The following NRG3 variants were observed in gnomAD, a reference collection of about 807,000 sequenced individuals.
NRG3 encodes neuregulin 3, also known as pro-neuregulin-3, membrane-bound isoform.
In NRG3, 31 loss-of-function variants were observed where a neutral mutation model predicts 66.9. That is an observed-to-expected ratio of 0.46 (90% CI 0.35 to 0.63). The LOEUF (loss-of-function observed/expected upper bound fraction) is 0.63. NRG3 is among the 20% of genes least tolerant of loss of function. The pLI is 0.00. For synonymous variants in NRG3, 393 were observed against 359.4 expected (o/e 1.09, Z -1.06); for missense variants, 910 against 878.9 (o/e 1.04, Z -0.45).
At chr10:82,460,649 G>C (rs1028332871) in intron 2 of NRG3, among the ~76,000 whole-genome samples, 2 of 152,158 alleles carry the variant, frequency 1.3e-5, no homozygotes, top group African/African-American at 4.8e-5. Flanking sequence ...ACGTGCAGCA[G>C]GGTTATGGCA....
chr10:82,436,734 G>A (rs553498557), intron 2 of NRG3, among the ~76,000 whole-genome samples: 41 of 152,236 alleles, frequency 2.7e-4, no homozygotes, highest in African/African-American at 9.9e-4. Context: ...AGTCCTGGTG[G>A]TAACAAAATC....
At chr10:82,719,478 C>T (rs529824371) in intron 2 of NRG3, among the ~76,000 whole-genome samples, 30 of 152,238 alleles carry the variant, frequency 2.0e-4, no homozygotes, top group African/African-American at 7.2e-4. Flanking sequence ...TATTCTGTTC[C>T]CTATTTCAGA....
At chr10:82,815,340 T>C (rs2061661138) in intron 3 of NRG3, among the ~76,000 whole-genome samples, 1 of 152,188 alleles carries the variant, frequency 6.6e-6, no homozygotes, top group Non-Finnish European at 1.5e-5. Context: ...CCCCATTTCA[T>C]TGATTTCCCC....
intron 2 of NRG3, among the ~76,000 whole-genome samples, chr10:82,546,376 A>G (rs1341481134): frequency 6.6e-6 from 1 of 152,144 alleles, no homozygotes; most frequent in Non-Finnish European, 1.5e-5. Context: ...TTTTTAAATG[A>G]TATATGTAGT....
intron 3 of NRG3, chr10:82,843,189 T>G (rs1243181094): frequency 2.3e-6 from 1 of 443,974 alleles, no homozygotes; most frequent in Non-Finnish European, 4.5e-6. Context: ...GTTTGTCCCC[T>G]CCACAACTCA....
intron 2 of NRG3, among the ~76,000 whole-genome samples, chr10:82,696,921 A>C (rs1337964492): frequency 1.3e-5 from 2 of 152,256 alleles, no homozygotes; most frequent in African/African-American, 2.4e-5. Flanking sequence ...TTTATGATTT[A>C]ATCTATGAAA....
intron 1 of NRG3, among the ~76,000 whole-genome samples, chr10:82,009,905 G>C (rs1274896867): frequency 2.0e-5 from 3 of 152,132 alleles, no homozygotes; most frequent in African/African-American, 4.8e-5. Flanking sequence ...TTATGACCTG[G>C]TCATGCCACC....
chr10:81,913,247 G>A (rs1374348372), intron 1 of NRG3, among the ~76,000 whole-genome samples: 1 of 152,168 alleles, frequency 6.6e-6, no homozygotes, highest in African/African-American at 2.4e-5. Context: ...GAGCAGAGCA[G>A]TGAAACTTGT....
At chr10:82,878,931 T>A (rs1661813709) in intron 4 of NRG3, among the ~76,000 whole-genome samples, 2 of 152,182 alleles carry the variant, frequency 1.3e-5, no homozygotes, top group Non-Finnish European at 2.9e-5. Flanking sequence ...TTTCTCTACC[T>A]ACCCCAGGGC....
intron 3 of NRG3, among the ~76,000 whole-genome samples, chr10:82,765,764 T>C (rs1480806677): frequency 6.6e-6 from 1 of 152,180 alleles, no homozygotes; most frequent in Non-Finnish European, 1.5e-5. Flanking sequence ...AACTATTTAC[T>C]TTCTTGTAAT....
intron 4 of NRG3, among the ~76,000 whole-genome samples, chr10:82,899,493 G>A (rs1843999246): frequency 4.6e-5 from 7 of 152,150 alleles, no homozygotes; most frequent in Admixed American, 4.6e-4. Flanking sequence ...ATGTGTTGCA[G>A]GAATGTGCGT....
intron 1 of NRG3, among the ~76,000 whole-genome samples, chr10:82,085,469 C>T (rs2065661861): frequency 6.6e-6 from 1 of 152,016 alleles, no homozygotes; most frequent in South Asian, 2.1e-4. Context: ...GGGCTCACAT[C>T]TGGTGAGGGC....
At chr10:82,261,496 G>A (rs966037489) in intron 1 of NRG3, among the ~76,000 whole-genome samples, 3 of 152,080 alleles carry the variant, frequency 2.0e-5, no homozygotes, top group East Asian at 1.9e-4. Context: ...TTAACCCAGC[G>A]GCGCTAGAGG....
At chr10:82,182,687 A>G (rs1381074881) in intron 1 of NRG3, among the ~76,000 whole-genome samples, 1 of 151,882 alleles carries the variant, frequency 6.6e-6, no homozygotes, top group Non-Finnish European at 1.5e-5. Flanking sequence ...ACAGTATTAT[A>G]GTATTGTATA....
intron 1 of NRG3, among the ~76,000 whole-genome samples, chr10:82,000,855 T>C (rs1422329853): frequency 6.6e-6 from 1 of 152,202 alleles, no homozygotes; most frequent in Non-Finnish European, 1.5e-5. Context: ...CATTTGATTC[T>C]TGTTTTTCAG....
intron 4 of NRG3, among the ~76,000 whole-genome samples, chr10:82,946,842 A>G (rs1015951408): frequency 1.3e-5 from 2 of 152,214 alleles, no homozygotes; most frequent in Admixed American, 6.5e-5. Flanking sequence ...GAGTATAATC[A>G]TAAAAGAAGA....
At chr10:82,589,584 A>C (rs2046865650) in intron 2 of NRG3, among the ~76,000 whole-genome samples, 1 of 152,140 alleles carries the variant, frequency 6.6e-6, no homozygotes, top group Non-Finnish European at 1.5e-5. Flanking sequence ...TGTTAAGGGA[A>C]CTTTCTACTA....
chr10:82,118,281 G>T (rs2067856261), intron 1 of NRG3, among the ~76,000 whole-genome samples: 1 of 150,948 alleles, frequency 6.6e-6, no homozygotes, highest in Admixed American at 6.6e-5. Flanking sequence ...TAGGCTGTGG[G>T]TTAGCATCCA....
intron 1 of NRG3, among the ~76,000 whole-genome samples, chr10:82,076,695 C>T (rs751648140): frequency 2.0e-5 from 3 of 152,112 alleles, no homozygotes; most frequent in Non-Finnish European, 4.4e-5. Context: ...CTCTTGCTCC[C>T]TCTGTTCCCA....
Sources: allele counts gnomAD v4.1 joint callset (sites outside exome capture counted in the v4.1 genomes callset), GRCh38; gene constraint gnomAD v4.1.1; transcripts MANE v1.5; gene names NCBI Gene and HGNC (gene_info 2026-07-23, HGNC 2026-07-21).